DGKI: variants seen among roughly 807,000 people sequenced by gnomAD.
DGKI encodes diacylglycerol kinase iota, also known as DAG kinase iota.
Under a neutral mutation model 147.5 loss-of-function variants are expected in DGKI, and 55 were observed. The ratio of observed to expected loss-of-function variants is 0.37; its 90% CI spans 0.30 to 0.47. The LOEUF is 0.47. Ranked by LOEUF, DGKI falls within the 20% of genes least tolerant of loss-of-function variation. The pLI is 1.00. For synonymous variants in DGKI, 469 were observed against 477.1 expected, an observed-to-expected ratio of 0.98 and a Z score of 0.22; for missense variants, 1,007 against 1,323.8, an observed-to-expected ratio of 0.76 and a Z score of 3.71.
intron 5 of DGKI, among the ~76,000 whole-genome samples, chr7:137,650,544 T>C (rs1240346381): frequency 6.6e-6 from 1 of 152,156 alleles, no homozygotes; most frequent in Non-Finnish European, 1.5e-5. Context: ...GTAAGGTGTT[T>C]GAAAGGTGAT....
chr7:137,513,856 G>A (rs139552038), intron 21 of DGKI: 14,511 of 693,248 alleles, frequency 0.021, 695 homozygotes, highest in Admixed American at 0.11. Context: ...AAACCTCTGC[G>A]CCATGAGAGC....
chr7:137,443,421 A>G (rs1813589854), intron 28 of DGKI, among the ~76,000 whole-genome samples: 1 of 152,210 alleles, frequency 6.6e-6, no homozygotes, highest in South Asian at 2.1e-4. Context: ...AGTTCCATAT[A>G]GCATATTTGT....
intron 1 of DGKI, among the ~76,000 whole-genome samples, chr7:137,721,789 C>A (rs115561573): frequency 1.3e-5 from 2 of 152,158 alleles, no homozygotes; most frequent in Non-Finnish European, 2.9e-5. Context: ...CTTATATGCC[C>A]AGTCTGTGCC....
chr7:137,803,865 G>C (rs1797284955), intron 1 of DGKI, among the ~76,000 whole-genome samples: 1 of 152,186 alleles, frequency 6.6e-6, no homozygotes, highest in African/African-American at 2.4e-5. Context: ...TTTGGCCCAG[G>C]TCCCATCCCT....
At chr7:137,545,555 C>T (rs1817836078) in intron 20 of DGKI, among the ~76,000 whole-genome samples, 1 of 152,126 alleles carries the variant, frequency 6.6e-6, no homozygotes, top group South Asian at 2.1e-4. Context: ...GCAGGCACTT[C>T]CTCGAGCTTA....
At chr7:137,525,874 G>A (rs779788846) in intron 20 of DGKI, among the ~76,000 whole-genome samples, 3 of 152,056 alleles carry the variant, frequency 2.0e-5, no homozygotes, top group Non-Finnish European at 4.4e-5. Context: ...TTTCTGACAA[G>A]GTGCTGGGCT....
chr7:137,544,103 G>A (rs925415982), intron 20 of DGKI, among the ~76,000 whole-genome samples: 13 of 152,102 alleles, frequency 8.5e-5, no homozygotes. Flanking sequence ...ACAGAAACAA[G>A]TATGGACAAT....
chr7:137,455,662 T>A (rs1585131114), intron 27 of DGKI, among the ~76,000 whole-genome samples: 1 of 140,186 alleles, frequency 7.1e-6, no homozygotes. Flanking sequence ...GGGAATGTGG[T>A]CTCCATCTCC....
chr7:137,678,130 CCT>C (rs1314730290), intron 3 of DGKI, among the ~76,000 whole-genome samples: 1 of 152,062 alleles, frequency 6.6e-6, no homozygotes, highest in African/African-American at 2.4e-5. Context: ...CAGGTGTTTC[CCT>C]CTCTTTCCAC....
intron 1 of DGKI, among the ~76,000 whole-genome samples, chr7:137,692,509 G>A (rs1337949347): frequency 6.6e-6 from 1 of 152,132 alleles, no homozygotes; most frequent in Non-Finnish European, 1.5e-5. Context: ...AAACGCTACT[G>A]TCAGGCACCA....
intron 1 of DGKI, among the ~76,000 whole-genome samples, chr7:137,824,885 G>A (rs1185614838): frequency 2.0e-5 from 3 of 152,142 alleles, no homozygotes; most frequent in African/African-American, 4.8e-5. Flanking sequence ...CAAAGAACAC[G>A]ATCTCATCCC....
At chr7:137,459,470 A>ATTTTTTTTTTTTTTTTTTTTT (rs68045398) in intron 27 of DGKI, among the ~76,000 whole-genome samples, 1 of 107,484 alleles carries the variant, frequency 9.3e-6, no homozygotes. Flanking sequence ...AATTTTTTAA[A>ATTTTTTTTTTTTTTTTTTTTT]TTTTTTTTTT....
intron 6 of DGKI, among the ~76,000 whole-genome samples, chr7:137,624,852 CA>C (rs1820878826): frequency 6.6e-6 from 1 of 152,068 alleles, no homozygotes; most frequent in Admixed American, 6.5e-5. Context: ...ATGATCTGCT[CA>C]CCTCGGCCTC....
chr7:137,799,970 G>A (rs1241920114), intron 1 of DGKI, among the ~76,000 whole-genome samples: 1 of 152,142 alleles, frequency 6.6e-6, no homozygotes, highest in Non-Finnish European at 1.5e-5. Context: ...CAGTTTTTCA[G>A]TACGGTTCTC....
At chr7:137,480,729 A>G (rs1815342926) in intron 23 of DGKI, among the ~76,000 whole-genome samples, 1 of 152,166 alleles carries the variant, frequency 6.6e-6, no homozygotes, top group South Asian at 2.1e-4. Context: ...TAATTCTTAG[A>G]GAAAGTAATC....
chr7:137,692,165 C>T (rs1823637698), intron 1 of DGKI, among the ~76,000 whole-genome samples: 1 of 152,108 alleles, frequency 6.6e-6, no homozygotes, highest in African/African-American at 2.4e-5. Flanking sequence ...TTTCCTCCAC[C>T]TATGTTGAAG....
At chr7:137,588,475 C>G (rs1348109631) in intron 12 of DGKI, among the ~76,000 whole-genome samples, 1 of 116,722 alleles carries the variant, frequency 8.6e-6, no homozygotes. Flanking sequence ...CATACCGATG[C>G]TTTTTTTTTT....
intron 1 of DGKI, among the ~76,000 whole-genome samples, chr7:137,839,442 T>G (rs1473720547): frequency 6.6e-6 from 1 of 152,248 alleles, no homozygotes; most frequent in African/African-American, 2.4e-5. Context: ...GTTCCTTAAC[T>G]GGACTTGAGT....
At chr7:137,538,826 T>C (rs542773633) in intron 20 of DGKI, among the ~76,000 whole-genome samples, 34 of 152,304 alleles carry the variant, frequency 2.2e-4, no homozygotes, top group South Asian at 8.3e-4. Context: ...ACGATAGCAG[T>C]AGATTGGTGA....
Sources: allele counts gnomAD v4.1 joint callset (sites outside exome capture counted in the v4.1 genomes callset), GRCh38; gene constraint gnomAD v4.1.1; transcripts MANE v1.5; gene names NCBI Gene and HGNC (gene_info 2026-07-23, HGNC 2026-07-21).